TRPC1: variants seen among roughly 807,000 people sequenced by gnomAD.
The protein encoded by TRPC1 is transient receptor potential cation channel subfamily C member 1.
TRPC1 carries 42 observed loss-of-function variants against 88.2 expected under a neutral mutation model. The ratio of observed to expected loss-of-function variants is 0.48; its 90% CI spans 0.37 to 0.62. The LOEUF (loss-of-function observed/expected upper bound fraction) is 0.62. Among genes scored for constraint, TRPC1 ranks in the 20% least tolerant of loss-of-function variants. The pLI, the probability that TRPC1 is intolerant of heterozygous loss-of-function variation, is 0.00. For missense variants in TRPC1, 699 were observed against 957.3 expected (o/e 0.73, Z 3.56); for synonymous variants, 288 against 331.8 (o/e 0.87, Z 1.43).
At chr3:142,780,432 A>T (rs1935924305) in intron 5 of TRPC1, among the ~76,000 whole-genome samples, 1 of 152,206 alleles carries the variant, frequency 6.6e-6, no homozygotes. Context: ...TATGATAATG[A>T]TTGGATAGCA....
intron 4 of TRPC1, among the ~76,000 whole-genome samples, chr3:142,752,380 A>G (rs1416776470): frequency 6.6e-6 from 1 of 152,290 alleles, no homozygotes; most frequent in Non-Finnish European, 1.5e-5. Context: ...CGTAGGCCAG[A>G]TTTATGTTTC....
At position 142,724,610 on chromosome 3, in the gene TRPC1, C is replaced by T. The variant is rs181390737; in HGVS notation, c.51C>T (p.Ser17=). The change falls in exon 1 of 13, where the codon TCC becomes TCT. Residue 17 remains serine, a synonymous_variant. Coordinates refer to ENST00000476941, the MANE Select transcript of TRPC1 (RefSeq NM_001251845.2). This position sits in a 1 kb window ranked among gnomAD's most constrained non-coding sequence, Gnocchi z 5.6. ...CGGACCTCTCGGGCGCCTCCTCCTC[C>T]TCCCTGCCTTCCTCTCCATCCTCTT... ...PSTDLSGASS[S]SLPSSPSSSS... 395 of 1,609,756 alleles carry T rather than the reference C, an allele frequency of 2.5e-4. 1 individual carries two copies. Among genetic ancestry groups the T allele is most frequent in the Non-Finnish European group, 3.2e-4 (383 of 1,178,656 alleles).
chr3:142,743,453 A>G lies in TRPC1; in HGVS notation c.328-32A>G, dbSNP rs201993170. The G allele has an allele frequency of 2.3e-3, 3,241 of 1,415,080 alleles. 11 individuals are homozygous for G. The highest frequency in any genetic ancestry group is 2.7e-3 in the Non-Finnish European group (2,902 of 1,069,260). 87.7% of individuals were successfully genotyped at this position (1,415,080 alleles called of 1,614,324 possible). A position where few individuals can be genotyped will look rare whatever the true frequency, so the allele number is the denominator to read the frequency against. ...GAAGTAGTTTACCTTTTTATCTTCC[A>G]TTTTCATTTTTAACTTTTTTTTTTT... On this transcript the variant is annotated intron_variant, in intron 2 of 12. Coordinates refer to ENST00000476941, the MANE Select transcript of TRPC1 (RefSeq NM_001251845.2).
chr3:142,724,608 T>G lies in TRPC1; in HGVS notation c.49T>G (p.Ser17Ala). Residue 17 changes from serine to alanine, a missense_variant, in exon 1 of 13, where the codon TCC becomes GCC. Transcript: ENST00000476941. The surrounding 1 kb of genome is among the most constrained non-coding windows in gnomAD (Gnocchi z 5.6). ...CACGGACCTCTCGGGCGCCTCCTCC[T>G]CCTCCCTGCCTTCCTCTCCATCCTC... ...PSTDLSGASSSSLPSSPSSSS... is the reference protein window; with the variant it reads ...PSTDLSGASSASLPSSPSSSS... The G allele has an allele frequency of 6.2e-7, 1 of 1,607,312 alleles. No homozygotes were observed.
At chr3:142,741,229 A>G (rs2108030953) in intron 2 of TRPC1, among the ~76,000 whole-genome samples, 1 of 135,876 alleles carries the variant, frequency 7.4e-6, no homozygotes, top group East Asian at 2.3e-4. Flanking sequence ...TTCTCTCATA[A>G]CTGCCATTGA....
At chr3:142,747,791 T>C (rs1273932251) in intron 3 of TRPC1, among the ~76,000 whole-genome samples, 2 of 152,210 alleles carry the variant, frequency 1.3e-5, no homozygotes, top group African/African-American at 4.8e-5. Flanking sequence ...TTCAAGTAGC[T>C]GCATTGCTGT....
chr3:142,777,808 T>G, intron 5 of TRPC1, 45 bp downstream of exon 5: 1 of 1,555,476 alleles, frequency 6.4e-7, no homozygotes, highest in Non-Finnish European at 8.7e-7. Context: ...TTTTAAATCT[T>G]CAACCTCAGT....
intron 4 of TRPC1, among the ~76,000 whole-genome samples, chr3:142,775,329 A>C (rs1424207196): frequency 5.3e-5 from 8 of 152,220 alleles, no homozygotes. Context: ...AAAGATAAAC[A>C]ACAAACTGGA....
chr3:142,728,335 CTT>C (rs72269824), intron 1 of TRPC1, among the ~76,000 whole-genome samples: 121 of 137,826 alleles, frequency 8.8e-4, no homozygotes, highest in Middle Eastern at 7.5e-3. Flanking sequence ...GACTGTATTT[CTT>C]TTTTTTTTTT....
At chr3:142,788,866 CAA>C (rs1315087575) in intron 7 of TRPC1, among the ~76,000 whole-genome samples, 1 of 152,132 alleles carries the variant, frequency 6.6e-6, no homozygotes, top group Non-Finnish European at 1.5e-5. Flanking sequence ...TGCAATACAT[CAA>C]GTGTATTAGC....
intron 1 of TRPC1, among the ~76,000 whole-genome samples, chr3:142,727,716 T>G (rs930081848): frequency 6.6e-6 from 1 of 152,222 alleles, no homozygotes; most frequent in Non-Finnish European, 1.5e-5. Flanking sequence ...ATACTCATGT[T>G]CTTTCTAGAG....
In TRPC1 at chr3:142,807,425, C is replaced by CTATT. The variant is rs1171364771; in HGVS notation, c.*1191_*1194dup. 2 of 152,058 alleles carry CTATT rather than the reference C, an allele frequency of 1.3e-5. No individual in the cohort carries two copies. Among genetic ancestry groups the CTATT allele is most frequent in the Admixed American group, 1.3e-4 (2 of 15,266 alleles). The allele number at this position is 152,058 out of a possible 1,614,324, so 9.4% of individuals were successfully genotyped here. ...GATGTAGCTAAAATGTTTTCATAGGCTATTATATATTCTCGCAGCATTTCC... is the reference window on the plus strand; with the variant it reads ...GATGTAGCTAAAATGTTTTCATAGGCTATTTATTATATATTCTCGCAGCATTTCC... On this transcript the variant is annotated 3_prime_UTR_variant, in exon 13 of 13. Coordinates refer to ENST00000476941, the MANE Select transcript of TRPC1 (RefSeq NM_001251845.2).
In TRPC1 at chr3:142,743,579, C is replaced by CTA; in HGVS notation, c.425_426dup (p.Val143Ter). On this transcript the variant is annotated frameshift_variant, in exon 3 of 13. Coordinates refer to ENST00000476941, the MANE Select transcript of TRPC1 (RefSeq NM_001251845.2). LOFTEE classifies it high-confidence loss of function. ...CGACCAAAACGATCATCAAGACCAA[C>CTA]TATAGTAGTTAGTACTCTTAAATAT... 1 of 1,517,628 alleles carries CTA rather than the reference C, an allele frequency of 6.6e-7. No homozygotes were observed. The highest frequency in any genetic ancestry group is 8.8e-7 in the Non-Finnish European group (1 of 1,138,142). The allele number at this position is 1,517,628 out of a possible 1,614,324, so 94.0% of individuals were successfully genotyped here.
intron 4 of TRPC1, among the ~76,000 whole-genome samples, chr3:142,762,428 AT>A (rs755194552): frequency 0.016 from 1,638 of 103,632 alleles, 22 homozygotes; most frequent in East Asian, 0.087. Flanking sequence ...TTTATTCTTG[AT>A]TTTTTTTTTT....
At chr3:142,756,683 C>T (rs1432874068) in intron 4 of TRPC1, among the ~76,000 whole-genome samples, 2 of 152,094 alleles carry the variant, frequency 1.3e-5, no homozygotes, top group Admixed American at 6.6e-5. Context: ...CTAATTCTGC[C>T]ACATACTTAC....
chr3:142,731,703 C>T (rs1933924398), intron 1 of TRPC1, among the ~76,000 whole-genome samples: 1 of 151,906 alleles, frequency 6.6e-6, no homozygotes, highest in Non-Finnish European at 1.5e-5. Context: ...AATTTTTAAC[C>T]GATAACTCTA....
chr3:142,791,298 C>A, intron 8 of TRPC1, 140 bp downstream of exon 8: 1 of 669,690 alleles, frequency 1.5e-6, no homozygotes, highest in Non-Finnish European at 2.3e-6. Flanking sequence ...TCTGTGTGCA[C>A]ATAGTTTCCT....
intron 4 of TRPC1, among the ~76,000 whole-genome samples, chr3:142,775,689 A>G (rs1935745403): frequency 6.6e-6 from 1 of 152,228 alleles, no homozygotes. Context: ...AAATCTTACA[A>G]ATTGACTAAA....
intron 2 of TRPC1, among the ~76,000 whole-genome samples, chr3:142,739,776 T>C (rs1934274634): frequency 6.6e-6 from 1 of 152,160 alleles, no homozygotes; most frequent in Non-Finnish European, 1.5e-5. Context: ...CCTATGTCAA[T>C]AGTTTTTGTA....
Sources: gnomAD v4.1 joint callset for allele counts (sites outside exome capture counted in the v4.1 genomes callset) on GRCh38, gnomAD v4.1.1 for gene constraint, Gnocchi (gnomAD v3.1) non-coding constraint, MANE v1.5 for transcripts, NCBI Gene and HGNC (gene_info 2026-07-23, HGNC 2026-07-21) for gene names.